Variants in SAMD8 observed in about 807,000 individuals in gnomAD.
The protein encoded by SAMD8 is sterile alpha motif domain containing 8, also known as sphingomyelin synthase-related protein 1.
In SAMD8, 20 loss-of-function variants were observed where a neutral mutation model predicts 42.0. That is an observed-to-expected ratio of 0.48 (90% CI 0.34 to 0.69). The LOEUF (loss-of-function observed/expected upper bound fraction) is 0.69, where lower values mean the gene tolerates loss of function less well. Among genes scored for constraint, SAMD8 ranks in the 30% least tolerant of loss-of-function variants. SAMD8 has a pLI of 0.01. For synonymous variants in SAMD8, 162 were observed against 173.0 expected (o/e 0.94, Z 0.50); for missense variants, 328 against 511.6 (o/e 0.64, Z 3.46).
At chr10:75,175,477 A>C (rs2132221415) in intron 4 of SAMD8, among the ~76,000 whole-genome samples, 1 of 152,258 alleles carries the variant, frequency 6.6e-6, no homozygotes, top group African/African-American at 2.4e-5. Context: ...TTTATTATAA[A>C]GGAACTCCTA....
chr10:75,105,367 C>T (rs182830155), intron 1 of SAMD8, among the ~76,000 whole-genome samples: 11 of 152,266 alleles, frequency 7.2e-5, no homozygotes, highest in Admixed American at 2.0e-4. Flanking sequence ...TCCACACCCT[C>T]GCATCCTAGT....
intron 1 of SAMD8, among the ~76,000 whole-genome samples, chr10:75,147,152 T>C (rs1004843831): frequency 5.3e-5 from 8 of 151,982 alleles, no homozygotes; most frequent in African/African-American, 1.9e-4. Context: ...GAAAAAAACA[T>C]ATAAAAGAAG....
At chr10:75,119,617 CACAT>C (rs1158673475) in intron 1 of SAMD8, among the ~76,000 whole-genome samples, 1 of 152,188 alleles carries the variant, frequency 6.6e-6, no homozygotes, top group African/African-American at 2.4e-5. Flanking sequence ...TTTCTGCACA[CACAT>C]GCACACACAC....
chr10:75,120,670 G>A (rs1411405668), intron 1 of SAMD8, among the ~76,000 whole-genome samples: 1 of 151,486 alleles, frequency 6.6e-6, no homozygotes, highest in Non-Finnish European at 1.5e-5. Context: ...AGTGCATATT[G>A]ATGTGTAGAG....
intron 1 of SAMD8, among the ~76,000 whole-genome samples, chr10:75,132,645 A>G (rs141493603): frequency 2.0e-5 from 3 of 152,152 alleles, no homozygotes; most frequent in Non-Finnish European, 2.9e-5. Flanking sequence ...GAAATATGTA[A>G]TAAAATCTTT....
intron 1 of SAMD8, among the ~76,000 whole-genome samples, chr10:75,135,352 C>G (rs1166547259): frequency 6.6e-6 from 1 of 151,488 alleles, no homozygotes; most frequent in Non-Finnish European, 1.5e-5. Flanking sequence ...ACTCAGGAGG[C>G]TGAGGCAGGA....
intron 1 of SAMD8, among the ~76,000 whole-genome samples, chr10:75,141,605 G>A (rs1312256779): frequency 1.4e-5 from 2 of 148,048 alleles, no homozygotes; most frequent in Non-Finnish European, 3.0e-5. Context: ...TCAGTGGTGC[G>A]ATCTCCGCTC....
At position 75,177,311 on chromosome 10, in the gene SAMD8, A is replaced by G. The variant is rs1272445842; in HGVS notation, c.*619A>G. 6.6e-6 allele frequency: 1 copy of G among 152,274 alleles called. No homozygotes were observed. The highest frequency in any genetic ancestry group is 1.5e-5 in the Non-Finnish European group (1 of 68,078). The allele number at this position is 152,274 out of a possible 1,614,324, so 9.4% of individuals were successfully genotyped here. On this transcript the variant is annotated 3_prime_UTR_variant, in exon 6 of 6. Transcript: ENST00000542569. ...GTGACAGAGTACTGGCTAGGATGCC[A>G]TTGGTCTCCTCATTAATGCAAATGT...
At chr10:75,171,883 G>A (rs541117752) in intron 4 of SAMD8, among the ~76,000 whole-genome samples, 71 of 152,110 alleles carry the variant, frequency 4.7e-4, no homozygotes, top group Middle Eastern at 3.4e-3. Flanking sequence ...ATAATTAGCT[G>A]GGCATGGTGG....
At chr10:75,149,017 G>A (rs1840217297) in intron 1 of SAMD8, among the ~76,000 whole-genome samples, 1 of 150,604 alleles carries the variant, frequency 6.6e-6, no homozygotes, top group African/African-American at 2.4e-5. Flanking sequence ...TTTCAAGCTG[G>A]GTAATAGGCA....
intron 1 of SAMD8, among the ~76,000 whole-genome samples, chr10:75,138,334 A>G: frequency 6.6e-6 from 1 of 152,188 alleles, no homozygotes; most frequent in East Asian, 1.9e-4. Context: ...TTCCAGTAGT[A>G]TTGAGAATGT....
In SAMD8 at chr10:75,114,268, AGCAGAG is replaced by A. The variant is rs561658085; in HGVS notation, c.-16+2548_-16+2553del. 4.3e-4 allele frequency among the ~76,000 whole-genome samples: 66 copies of A among 151,752 alleles called. 1 individual carries two copies. The East Asian group carries it at 0.013, about 29-fold the overall frequency. On this transcript the variant is annotated intron_variant, in intron 1 of 5. Coordinates refer to ENST00000542569, the MANE Select transcript of SAMD8 (RefSeq NM_001174156.2). ...GCAGGAGAATCTCTTGAACCCGGGA[AGCAGAG>A]GTTGTGAGCTGAGATCACACCACTG... is the stretch of plus-strand genomic sequence containing the variant.
rs60024591 is a variant in SAMD8, at chr10:75,148,346, C to CTTT, written c.-15-2145_-15-2143dup. 9.7e-3 allele frequency among the ~76,000 whole-genome samples: 802 copies of CTTT among 82,528 alleles called. 127 individuals are homozygous for CTTT. The highest frequency in any genetic ancestry group is 0.045 in the African/African-American group (682 of 15,282). The allele number at this position is 82,528 out of a possible 152,430, so 54.1% of individuals were successfully genotyped here. A position where few individuals can be genotyped will look rare whatever the true frequency, so the allele number is the denominator to read the frequency against. On this transcript the variant is annotated intron_variant, in intron 1 of 5. Transcript: ENST00000542569. ...GGGAAAGAATGCAGAGCAATACCAG[C>CTTT]TTTTTTTTTTTTTTTTTTTTTTTTT...
At chr10:75,108,184 G>C, upstream of SAMD8, 2 of 1,608,692 alleles carry the variant, frequency 1.2e-6, no homozygotes, top group Non-Finnish European at 1.7e-6. Context: ...AGCTTCCACA[G>C]CTCAAAGCGG....
At chr10:75,174,749 TA>T (rs1342721886) in intron 4 of SAMD8, among the ~76,000 whole-genome samples, 39 of 151,972 alleles carry the variant, frequency 2.6e-4, no homozygotes, top group African/African-American at 9.2e-4. Flanking sequence ...TTTTTTTTTT[TA>T]AGTGACTGTC....
chr10:75,111,678 G>C lies in SAMD8; in HGVS notation c.-60G>C, dbSNP rs2134409561. On this transcript the variant is annotated 5_prime_UTR_variant, in exon 1 of 6. Coordinates refer to ENST00000542569, the MANE Select transcript of SAMD8 (RefSeq NM_001174156.2). Reference sequence around the variant, plus strand: ...CCCGGACTCCGACGGCGGCTCGGACGCCGACTCGGAGGTGGGTCCGGGGAG... The same window carrying C: ...CCCGGACTCCGACGGCGGCTCGGACCCCGACTCGGAGGTGGGTCCGGGGAG... 1.6e-6 allele frequency: 2 copies of C among 1,239,306 alleles called. No homozygotes were observed. The highest frequency in any genetic ancestry group is 2.0e-6 in the Non-Finnish European group (2 of 991,854). The allele number at this position is 1,239,306 out of a possible 1,614,324, so 76.8% of individuals were successfully genotyped here.
At chr10:75,111,652 C>T (rs1039753113), upstream of SAMD8, 21 of 1,241,520 alleles carry the variant, frequency 1.7e-5, no homozygotes, top group Admixed American at 7.6e-4. Flanking sequence ...GCGGGGAGGG[C>T]CCCGGACTCC....
intron 1 of SAMD8, among the ~76,000 whole-genome samples, chr10:75,146,441 C>T (rs1393954024): frequency 6.6e-6 from 1 of 152,012 alleles, no homozygotes; most frequent in African/African-American, 2.4e-5. Flanking sequence ...TCTGCCACCA[C>T]ACCTGGCTAA....
upstream of SAMD8, chr10:75,108,196 T>A: frequency 6.2e-7 from 1 of 1,605,358 alleles, no homozygotes; most frequent in South Asian, 1.1e-5. Context: ...TCAAAGCGGT[T>A]GTTTGCCGTG....
Sources: gnomAD v4.1 joint callset for allele counts (sites outside exome capture counted in the v4.1 genomes callset) on GRCh38, gnomAD v4.1.1 for gene constraint, MANE v1.5 for transcripts, NCBI Gene and HGNC (gene_info 2026-07-23, HGNC 2026-07-21) for gene names.